Variants in RTN4 observed in about 807,000 individuals in gnomAD.
RTN4 encodes the protein reticulon 4, also known as reticulon-4.
In RTN4, 32 loss-of-function variants were observed where a neutral mutation model predicts 90.4. The ratio of observed to expected loss-of-function variants is 0.35; its 90% confidence interval spans 0.27 to 0.48. RTN4 has a LOEUF of 0.48. Ranked by LOEUF, RTN4 falls within the 20% of genes least tolerant of loss-of-function variation. The pLI is 0.99. For synonymous variants in RTN4, 629 were observed against 552.5 expected, an observed-to-expected ratio of 1.14 and a Z score of -1.94; for missense variants, 1,706 against 1,430.2, an observed-to-expected ratio of 1.19 and a Z score of -3.11.
rs192387278 is a variant in RTN4, at chr2:54,978,418, G to A, written c.3361-3654C>T. On this transcript the variant is annotated intron_variant, in intron 5 of 8. Transcript: ENST00000337526. Reference sequence around the variant, plus strand: ...CGCCCTCCAGCCTGGGTGACACAGCGAGACTCTATCTCCAAAAAAAAAAAA... The same window carrying A: ...CGCCCTCCAGCCTGGGTGACACAGCAAGACTCTATCTCCAAAAAAAAAAAA... 2.2e-4 allele frequency among the ~76,000 whole-genome samples: 27 copies of A among 122,746 alleles called. 1 individual carries two copies. The highest frequency in any genetic ancestry group is 1.0e-3 in the South Asian group (4 of 3,836). 80.5% of individuals were successfully genotyped at this position (122,746 alleles called of 152,430 possible).
At chr2:55,061,625 G>T (rs1668295860) in intron 2 of RTN4, among the ~76,000 whole-genome samples, 1 of 152,162 alleles carries the variant, frequency 6.6e-6, no homozygotes, top group South Asian at 2.1e-4. Context: ...TTCTTCTACA[G>T]AAGAATGTCC....
chr2:55,068,707 G>A (rs1298935379), intron 2 of RTN4, among the ~76,000 whole-genome samples: 1 of 149,758 alleles, frequency 6.7e-6, no homozygotes, highest in Non-Finnish European at 1.5e-5. Flanking sequence ...AGTTTGGCTT[G>A]CAGCTCAAAT....
At chr2:55,058,092 C>CT (rs1435568581) in intron 2 of RTN4, among the ~76,000 whole-genome samples, 2 of 152,024 alleles carry the variant, frequency 1.3e-5, no homozygotes, top group Non-Finnish European at 2.9e-5. Context: ...ATTTGAGGGA[C>CT]TTTAAAAACT....
At chr2:55,083,484 G>A (rs1247072732) in intron 1 of RTN4, among the ~76,000 whole-genome samples, 2 of 151,862 alleles carry the variant, frequency 1.3e-5, no homozygotes, top group African/African-American at 2.4e-5. Context: ...ACAACAAAGC[G>A]AGACTCCGTC....
chr2:55,088,057 T>G (rs958413153), intron 1 of RTN4, among the ~76,000 whole-genome samples: 1 of 152,252 alleles, frequency 6.6e-6, no homozygotes, highest in Non-Finnish European at 1.5e-5. Flanking sequence ...CCTGACTGCA[T>G]GCAGATGTCA....
At chr2:55,043,723 T>A (rs886760291) in intron 1 of RTN4, among the ~76,000 whole-genome samples, 2 of 151,990 alleles carry the variant, frequency 1.3e-5, no homozygotes, top group Non-Finnish European at 2.9e-5. Context: ...CCGTCTCTAC[T>A]AAGAATACAA....
chr2:55,000,159 T>C (rs978839251), intron 3 of RTN4, among the ~76,000 whole-genome samples: 4 of 152,160 alleles, frequency 2.6e-5, no homozygotes, highest in African/African-American at 4.8e-5. Context: ...AATGCTTAGC[T>C]AAGCCCTGAT....
chr2:55,065,850 G>C (rs551010312), intron 2 of RTN4, among the ~76,000 whole-genome samples: 1 of 152,308 alleles, frequency 6.6e-6, no homozygotes, highest in African/African-American at 2.4e-5. Context: ...GGGCTTGATA[G>C]GGCCTTGTGG....
chr2:55,104,455 A>C (rs574743436), intron 1 of RTN4, among the ~76,000 whole-genome samples: 2 of 151,414 alleles, frequency 1.3e-5, no homozygotes, highest in Admixed American at 6.6e-5. Flanking sequence ...TGGGTTCATG[A>C]TTCTCGTGCT....
At chr2:55,102,857 G>A (rs182153105) in intron 1 of RTN4, among the ~76,000 whole-genome samples, 1 of 152,152 alleles carries the variant, frequency 6.6e-6, no homozygotes, top group Non-Finnish European at 1.5e-5. Flanking sequence ...GGTGGCTCAC[G>A]CCTGTAATCC....
chr2:55,036,655 A>T (rs1346001587), intron 1 of RTN4, among the ~76,000 whole-genome samples: 2 of 151,706 alleles, frequency 1.3e-5, no homozygotes, highest in Non-Finnish European at 2.9e-5. Context: ...TTTTTAAATC[A>T]TATAATGAAA....
chr2:55,018,760 G>A (rs988880156), intron 3 of RTN4, among the ~76,000 whole-genome samples: 4 of 151,434 alleles, frequency 2.6e-5, no homozygotes, highest in Admixed American at 2.6e-4. Context: ...ATGTGTGTAT[G>A]TTTATTTTTA....
At chr2:55,018,386 A>C (rs984673842) in intron 3 of RTN4, among the ~76,000 whole-genome samples, 1 of 152,220 alleles carries the variant, frequency 6.6e-6, no homozygotes, top group African/African-American at 2.4e-5. Context: ...CATAGCCATT[A>C]GTCAGTGGGA....
At chr2:55,019,347 C>T (rs958837910) in intron 3 of RTN4, among the ~76,000 whole-genome samples, 10 of 152,002 alleles carry the variant, frequency 6.6e-5, no homozygotes, top group African/African-American at 9.7e-5. Context: ...ATTGGAGGGG[C>T]GAATTTTGAT....
Position 55,050,169 on chromosome 2 carries a change from G to GTCCTCCTCT in RTN4, c.123_131dup (p.Glu41_Glu43dup), listed in dbSNP as rs774182030. Reference sequence around the variant, plus strand: ...CCAGCTCCTCCAGGTCTTCGTCCTCGTCCTCCTCTTCCTCCTCCTCTTCTT... The same window carrying GTCCTCCTCT: ...CCAGCTCCTCCAGGTCTTCGTCCTCGTCCTCCTCTTCCTCCTCTTCCTCCTCCTCTTCTT... On this transcript the variant is annotated inframe_insertion, in exon 1 of 9. Coordinates refer to ENST00000337526, the MANE Select transcript of RTN4 (RefSeq NM_020532.5). The surrounding 1 kb of genome is among the most constrained non-coding windows in gnomAD (Gnocchi z 4.6). 1.3e-6 allele frequency: 2 copies of GTCCTCCTCT among 1,566,172 alleles called. No homozygotes were observed. Among genetic ancestry groups the GTCCTCCTCT allele is most frequent in the Non-Finnish European group, 1.7e-6 (2 of 1,162,718 alleles).
At chr2:54,973,433 G>T in intron 8 of RTN4, 130 bp downstream of exon 8, 1 of 797,008 alleles carries the variant, frequency 1.3e-6, no homozygotes, top group Non-Finnish European at 2.1e-6. Context: ...ACAATCTTTT[G>T]GCAACTCTGA....
At chr2:54,980,871 C>T (rs889994845) in intron 5 of RTN4, among the ~76,000 whole-genome samples, 1 of 152,160 alleles carries the variant, frequency 6.6e-6, no homozygotes, top group Non-Finnish European at 1.5e-5. Context: ...AAGTCAGCTA[C>T]GTATAGAAGG....
intron 6 of RTN4, 174 bp from the exon 7 acceptor site, chr2:54,974,041 T>A (rs1573254232): frequency 1.8e-6 from 1 of 570,546 alleles, no homozygotes; most frequent in East Asian, 3.0e-5. Flanking sequence ...TCCAGAGGAA[T>A]GAATGAACTG....
chr2:55,065,713 A>T (rs1205629785), intron 2 of RTN4, among the ~76,000 whole-genome samples: 3 of 151,744 alleles, frequency 2.0e-5, no homozygotes, highest in Admixed American at 6.6e-5. Flanking sequence ...ATTTATATGA[A>T]GTTTAAAAAC....
Sources: allele counts gnomAD v4.1 joint callset (sites outside exome capture counted in the v4.1 genomes callset), GRCh38; gene constraint gnomAD v4.1.1; non-coding constraint Gnocchi (gnomAD v3.1); transcripts MANE v1.5; gene names NCBI Gene and HGNC (gene_info 2026-07-23, HGNC 2026-07-21).